The following CFAP54 variants were observed in gnomAD, a reference collection of about 807,000 sequenced individuals.
The protein encoded by CFAP54 is cilia- and flagella-associated protein 54.
A neutral mutation model predicts 370.4 loss-of-function variants in CFAP54; 290 were observed. The observed-to-expected ratio is 0.78, with a 90% CI of 0.71 to 0.86. The LOEUF is 0.86. CFAP54 is among the 40% of genes least tolerant of loss of function. The probability of loss-of-function intolerance (pLI) is 0.00; values close to 1 mark genes in which losing one functional copy is unlikely to be tolerated. For synonymous variants in CFAP54, 1,206 were observed against 1,236.5 expected (o/e 0.98, Z 0.52); for missense variants, 3,399 against 3,528.7 (o/e 0.96, Z 0.93).
chr12:96,565,239 G>A (rs1955855420), intron 19 of CFAP54: 2 of 152,260 alleles, frequency 1.3e-5, no homozygotes, highest in Non-Finnish European at 2.9e-5. Context: ...TTGATTTTAT[G>A]TGTTTATTTT....
At chr12:96,867,794 G>A (rs960241938) in intron 67 of CFAP54, among the ~76,000 whole-genome samples, 66 of 152,130 alleles carry the variant, frequency 4.3e-4, no homozygotes, top group African/African-American at 1.4e-3. Flanking sequence ...AAAATTTCAA[G>A]TTAACAAGAA....
intron 39 of CFAP54, among the ~76,000 whole-genome samples, chr12:96,664,343 T>A (rs1290979792): frequency 1.3e-5 from 2 of 152,116 alleles, no homozygotes; most frequent in African/African-American, 4.8e-5. Context: ...CCATGTGTTC[T>A]TATTATTTAG....
In CFAP54 at chr12:96,784,786, C is replaced by T. The variant is rs905286128; in HGVS notation, c.8351C>T (p.Ala2784Val). ...CAAAATGATGATGTGTGTGACAGCG[C>T]AGATGGTAGAAAAAAGACTCAGACC... Reference protein sequence around the residue: ...LYQNDDVCDSADGRKKTQTKV... With the variant: ...LYQNDDVCDSVDGRKKTQTKV... Residue 2784 changes from alanine (A) to valine (V), a missense_variant, in exon 61 of 68, where the codon GCA becomes GTA. Physicochemically the swap from Ala to Val is moderately conservative, Grantham distance 64. This residue lies in a region of CFAP54 where 2,796 missense variants were observed against 2,869.7 expected (regional missense o/e 0.97). Transcript: ENST00000524981. The T allele has an allele frequency of 1.3e-6, 2 of 1,534,706 alleles. No homozygotes were observed. Among genetic ancestry groups the T allele is most frequent in the African/African-American group, 1.4e-5 (1 of 72,966 alleles).
intron 67 of CFAP54, among the ~76,000 whole-genome samples, chr12:96,871,022 T>G (rs1960147455): frequency 6.6e-6 from 1 of 152,108 alleles, no homozygotes; most frequent in Non-Finnish European, 1.5e-5. Context: ...GATTCAGAAG[T>G]CAGGGTGTGG....
rs114317919 is a variant in CFAP54, at chr12:96,692,106, C to T, written c.6264+796C>T. Reference sequence around the variant, plus strand: ...CCCCACATATTTTTTTCTATTCTCTCGGTATATTTGTTCTTCTGAATTCAA... The same window carrying T: ...CCCCACATATTTTTTTCTATTCTCTTGGTATATTTGTTCTTCTGAATTCAA... On this transcript the variant is annotated intron_variant, in intron 44 of 67. Coordinates refer to ENST00000524981, the MANE Select transcript of CFAP54 (RefSeq NM_001306084.2). Among the ~76,000 whole-genome samples, 1,188 of 151,438 alleles carry T rather than the reference C, an allele frequency of 7.8e-3. 10 individuals are homozygous for T. Among genetic ancestry groups the T allele is most frequent in the African/African-American group, 0.017 (683 of 41,314 alleles).
At chr12:96,667,093 C>T (rs1957089074) in intron 39 of CFAP54, among the ~76,000 whole-genome samples, 1 of 152,240 alleles carries the variant, frequency 6.6e-6, no homozygotes, top group South Asian at 2.1e-4. Context: ...TGTCTTACAT[C>T]CAGGCCATGC....
rs1425979700 is a variant in CFAP54, at chr12:96,630,187, G to A, written c.4198G>A (p.Val1400Ile). The change falls in exon 31 of 68, where the codon GTA becomes ATA. Residue 1400 changes from valine to isoleucine, a missense_variant. By Grantham distance (29) the Val-to-Ile change is conservative. This residue lies in a region of CFAP54 where 2,796 missense variants were observed against 2,869.7 expected (regional missense o/e 0.97). Transcript: ENST00000524981. ...CAAATCTTTAAAGTTCAAAGCTGCA[G>A]TAATGGAAATTGGAAGAGTAAGTTT... is the stretch of plus-strand genomic sequence containing the variant. ...ANKSLKFKAA[V>I]MEIGRSAEMQ... 1.7e-5 allele frequency: 26 copies of A among 1,487,766 alleles called. No homozygotes were observed. The highest frequency in any genetic ancestry group is 2.2e-5 in the Non-Finnish European group (24 of 1,112,470). The allele number at this position is 1,487,766 out of a possible 1,614,324, so 92.2% of individuals were successfully genotyped here.
intron 66 of CFAP54, among the ~76,000 whole-genome samples, chr12:96,856,551 A>G (rs903735428): frequency 1.3e-5 from 2 of 152,170 alleles, no homozygotes; most frequent in Admixed American, 6.5e-5. Context: ...CTAAAGCATA[A>G]CAAGAGTCAC....
intron 1 of CFAP54, among the ~76,000 whole-genome samples, chr12:96,497,271 T>A (rs1397851590): frequency 6.6e-6 from 1 of 152,128 alleles, no homozygotes; most frequent in African/African-American, 2.4e-5. Context: ...TTCTTGGAGT[T>A]GTGAAAATGA....
chr12:96,691,471 T>C (rs1957387400), intron 44 of CFAP54, among the ~76,000 whole-genome samples, 161 bp downstream of exon 44: 2 of 152,346 alleles, frequency 1.3e-5, no homozygotes, highest in South Asian at 4.1e-4. Flanking sequence ...TAAAATGTAT[T>C]AATTAATATT....
At chr12:96,807,066 C>T (rs1200533730) in intron 63 of CFAP54, among the ~76,000 whole-genome samples, 2 of 152,174 alleles carry the variant, frequency 1.3e-5, no homozygotes, top group African/African-American at 4.8e-5. Context: ...TGATGATTCT[C>T]CACTGCTGCA....
intron 56 of CFAP54, among the ~76,000 whole-genome samples, chr12:96,754,121 T>C (rs1958223222): frequency 6.6e-6 from 1 of 152,214 alleles, no homozygotes; most frequent in South Asian, 2.1e-4. Context: ...CTTCATTTCT[T>C]TTATAATTGT....
chr12:96,740,051 C>T lies in CFAP54; in HGVS notation c.7061C>T (p.Pro2354Leu), dbSNP rs1958033400. ...VQDDTENPVS[P>L]GTSVTENKDD... ...GATGACACAGAGAATCCTGTCTCTC[C>T]AGGAACTTCTGTAAGTATGACTTAA... The change falls in exon 51 of 68, where the codon CCA becomes CTA. Residue 2354 changes from proline to leucine, a missense_variant. Pro to Leu is a moderately conservative substitution (Grantham distance 98). Around this residue, in one of 3 missense-constraint regions of CFAP54, gnomAD observed 2,796 missense variants for 2,869.7 expected, o/e 0.97. Coordinates refer to ENST00000524981, the MANE Select transcript of CFAP54 (RefSeq NM_001306084.2). 2 of 1,577,738 alleles carry T rather than the reference C, an allele frequency of 1.3e-6. No homozygotes were observed. The highest frequency in any genetic ancestry group is 1.7e-5 in the Admixed American group (1 of 58,540).
Position 96,784,979 on chromosome 12 carries a change from T to C in CFAP54, c.8455+89T>C, listed in dbSNP as rs948147424. 9 of 1,101,902 alleles carry C rather than the reference T, an allele frequency of 8.2e-6. No homozygotes were observed. The East Asian group carries it at 2.3e-4, about 28-fold the overall frequency. 68.3% of individuals were successfully genotyped at this position (1,101,902 alleles called of 1,614,324 possible). A position where few individuals can be genotyped will look rare whatever the true frequency, so the allele number is the denominator to read the frequency against. On this transcript the variant is annotated intron_variant, in intron 61 of 67. Transcript: ENST00000524981. Reference sequence around the variant, plus strand: ...CTTGTTGAGAATTATAAGATACTTTTGACATCTTTCTGAGTGACTGTCATC... The same window carrying C: ...CTTGTTGAGAATTATAAGATACTTTCGACATCTTTCTGAGTGACTGTCATC...
chr12:96,584,701 T>C (rs989899665), intron 22 of CFAP54, among the ~76,000 whole-genome samples: 4 of 152,148 alleles, frequency 2.6e-5, no homozygotes, highest in East Asian at 3.8e-4. Context: ...TTCTGACTTA[T>C]AGTTTCAGTT....
At chr12:96,499,930 G>T (rs1172890859) in intron 1 of CFAP54, among the ~76,000 whole-genome samples, 1 of 149,718 alleles carries the variant, frequency 6.7e-6, no homozygotes, top group Non-Finnish European at 1.5e-5. Flanking sequence ...TGTGTGACAG[G>T]AGCAAGACTC....
In CFAP54 at chr12:96,538,456, C is replaced by T. The variant is rs1955532363; in HGVS notation, c.1864C>T (p.Gln622Ter). ...ATGGCAGAAATGCAAATTAGGAATT[C>T]AGCGGCTCAATATATCCAGAAATGA... ...FLWQKCKLGIQRLNISRNDYA... is the reference protein window; with the variant it reads ...FLWQKCKLGI The change falls in exon 13 of 68, where the codon CAG (glutamine) becomes TAG (stop). Residue 622 changes from glutamine (Q) to a stop codon, truncating the protein, a stop_gained. Coordinates refer to ENST00000524981, the MANE Select transcript of CFAP54 (RefSeq NM_001306084.2). LOFTEE classifies it high-confidence loss of function. 2 of 1,535,950 alleles carry T rather than the reference C, an allele frequency of 1.3e-6. No individual in the cohort carries two copies. The highest frequency in any genetic ancestry group is 1.4e-5 in the African/African-American group (1 of 73,052).
chr12:96,594,471 G>C, intron 25 of CFAP54, 25 bp downstream of exon 25: 2 of 1,428,186 alleles, frequency 1.4e-6, no homozygotes, highest in Non-Finnish European at 1.9e-6. Flanking sequence ...CTCCCCAAGA[G>C]AAGGGAATCT....
rs1179084146 is a variant in CFAP54 at position 96,527,365 on chromosome 12, T to C, written c.1278T>C (p.Thr426=). The C allele has an allele frequency of 3.6e-5, 56 of 1,535,694 alleles. No homozygotes were observed. Among genetic ancestry groups the C allele is most frequent in the Non-Finnish European group, 4.8e-5 (55 of 1,146,688 alleles). ...ATTCAAATAGGCGAATACTGCAAAC[T>C]GGACCCATTGTTACAGATGAAGTGG... ...LSDSNRRILQ[T]GPIVTDEVEI... Residue 426 remains threonine (T), a synonymous_variant, in exon 9 of 68, where the codon ACT becomes ACC. Transcript: ENST00000524981.
Sources: gnomAD v4.1 joint callset for allele counts (sites outside exome capture counted in the v4.1 genomes callset) on GRCh38, gnomAD v4.1.1 for gene constraint, gnomAD v4.1.1 regional missense constraint, MANE v1.5 for transcripts, NCBI Gene and HGNC (gene_info 2026-07-23, HGNC 2026-07-21) for gene names.